Variants in FCHO2 observed in about 807,000 individuals in gnomAD.
FCHO2 encodes F-BAR domain only protein 2.
Under a neutral mutation model 114.1 loss-of-function variants are expected in FCHO2, and 43 were observed. That is an observed-to-expected ratio of 0.38 (90% CI 0.30 to 0.49). FCHO2 has a LOEUF of 0.49. Among genes scored for constraint, FCHO2 ranks in the 20% least tolerant of loss-of-function variants. FCHO2 has a pLI of 0.97. For synonymous variants in FCHO2, 293 were observed against 315.2 expected, an observed-to-expected ratio of 0.93 and a Z score of 0.75; for missense variants, 807 against 950.4, an observed-to-expected ratio of 0.85 and a Z score of 1.98.
At chr5:72,981,438 C>T (rs1430829989) in intron 2 of FCHO2, among the ~76,000 whole-genome samples, 7 of 152,120 alleles carry the variant, frequency 4.6e-5, no homozygotes, top group Admixed American at 2.0e-4. Context: ...TTGCTCTTCT[C>T]GAGGAGTATC....
intron 1 of FCHO2, among the ~76,000 whole-genome samples, chr5:72,966,105 A>G (rs1175082022): frequency 1.3e-5 from 2 of 152,222 alleles, no homozygotes; most frequent in Non-Finnish European, 2.9e-5. Context: ...CGCCACATGC[A>G]GTGGCTCACA....
chr5:72,966,502 G>A (rs1304440386), intron 1 of FCHO2, among the ~76,000 whole-genome samples: 1 of 152,152 alleles, frequency 6.6e-6, no homozygotes, highest in Non-Finnish European at 1.5e-5. Context: ...GGAAATGTTT[G>A]GATTCACAAG....
At chr5:73,024,809 GC>G (rs1755830132) in intron 8 of FCHO2, among the ~76,000 whole-genome samples, 1 of 152,092 alleles carries the variant, frequency 6.6e-6, no homozygotes, top group Non-Finnish European at 1.5e-5. Flanking sequence ...GCCTCATGGG[GC>G]TGTTGTGAGA....
rs939769485 is a variant in FCHO2, at chr5:73,052,469, G to A, written c.1135G>A (p.Val379Ile). ...AATGGCTTCTTTGGATGAATTAAAA[G>A]TATCTATAGGGAATATAACACTCTC... ...HTMASLDELKVSIGNITLSPA... is the reference protein window; with the variant it reads ...HTMASLDELKISIGNITLSPA... The change falls in exon 13 of 26, where the codon GTA becomes ATA. Residue 379 changes from valine to isoleucine, a missense_variant. By Grantham distance (29) the Val-to-Ile change is conservative (BLOSUM62 3). Coordinates refer to ENST00000430046, the MANE Select transcript of FCHO2 (RefSeq NM_138782.3). 1 of 1,596,678 alleles carries A rather than the reference G, an allele frequency of 6.3e-7. No homozygotes were observed. Among genetic ancestry groups the A allele is most frequent in the Non-Finnish European group, 8.5e-7 (1 of 1,170,904 alleles).
rs775181966 is a variant in FCHO2 at position 73,081,953 on chromosome 5, G to A, written c.2151G>A (p.Thr717=). 3.2e-6 allele frequency: 5 copies of A among 1,586,796 alleles called. No individual in the cohort carries two copies. The highest frequency in any genetic ancestry group is 2.3e-5 in the East Asian group (1 of 43,530). Residue 717 remains threonine, a synonymous_variant, in exon 23 of 26, where the codon ACG becomes ACA. Transcript: ENST00000430046. ...QVVVPVDGGV[T]NMQSLPPAIW... ...TGGTACCAGTGGATGGAGGAGTAAC[G>A]AACATGCAGTCCCTTCCCCCTGCAA...
chr5:72,972,169 G>T (rs2112614222), intron 2 of FCHO2, among the ~76,000 whole-genome samples: 1 of 152,140 alleles, frequency 6.6e-6, no homozygotes, highest in South Asian at 2.1e-4. Flanking sequence ...GCTTAGGATT[G>T]ACTTGGCGAT....
intron 11 of FCHO2, among the ~76,000 whole-genome samples, chr5:73,042,415 T>C (rs986512031): frequency 6.6e-6 from 1 of 152,210 alleles, no homozygotes; most frequent in Admixed American, 6.5e-5. Flanking sequence ...GATGTAAAAT[T>C]AAATACAACT....
chr5:73,019,751 G>A (rs745884034), intron 8 of FCHO2, among the ~76,000 whole-genome samples: 7 of 152,176 alleles, frequency 4.6e-5, no homozygotes, highest in Non-Finnish European at 1.0e-4. Flanking sequence ...TTGATAAAAA[G>A]CCATGAAAAA....
Position 73,016,715 on chromosome 5 carries a change from A to T in FCHO2, c.700-497A>T, listed in dbSNP as rs181092992. ...AAAGATTTTAAATTGTTTAAATATTAAAAAAGATTTTAAATTGTTTAAATA... is the reference window on the plus strand; with the variant it reads ...AAAGATTTTAAATTGTTTAAATATTTAAAAAGATTTTAAATTGTTTAAATA... On this transcript the variant is annotated intron_variant, in intron 7 of 25. Coordinates refer to ENST00000430046, the MANE Select transcript of FCHO2 (RefSeq NM_138782.3). 1.2e-3 allele frequency among the ~76,000 whole-genome samples: 178 copies of T among 150,260 alleles called. 2 individuals are homozygous for T. Among genetic ancestry groups the T allele is most frequent in the Non-Finnish European group, 7.4e-4 (50 of 67,602 alleles).
At chr5:73,078,705 T>A (rs1742996728) in intron 22 of FCHO2, among the ~76,000 whole-genome samples, 1 of 152,148 alleles carries the variant, frequency 6.6e-6, no homozygotes, top group African/African-American at 2.4e-5. Context: ...AAAATAAGCA[T>A]TAATAAATAC....
chr5:73,078,325 A>T lies in FCHO2; in HGVS notation c.1980+13A>T. ...ATTAAAGTATCAGGTGAGTGTCACG[A>T]CATTGCAAAAATTCTAAATTAAAAT... On this transcript the variant is annotated intron_variant, in intron 22 of 25. Coordinates refer to ENST00000430046, the MANE Select transcript of FCHO2 (RefSeq NM_138782.3). The T allele has an allele frequency of 6.3e-7, 1 of 1,577,176 alleles. No individual in the cohort carries two copies. Among genetic ancestry groups the T allele is most frequent in the South Asian group, 1.2e-5 (1 of 82,246 alleles).
At chr5:72,988,789 CA>C (rs1249724624) in intron 2 of FCHO2, among the ~76,000 whole-genome samples, 4 of 152,192 alleles carry the variant, frequency 2.6e-5, no homozygotes, top group African/African-American at 9.7e-5. Flanking sequence ...TTATTAAATA[CA>C]AATGACACAC....
intron 2 of FCHO2, among the ~76,000 whole-genome samples, chr5:72,983,094 A>T (rs1753311818): frequency 6.6e-6 from 1 of 151,894 alleles, no homozygotes; most frequent in African/African-American, 2.4e-5. Context: ...TTGTATTTTT[A>T]GTAGAGACGG....
chr5:73,021,646 T>C (rs968445197), intron 8 of FCHO2, among the ~76,000 whole-genome samples: 9 of 152,322 alleles, frequency 5.9e-5, no homozygotes, highest in Middle Eastern at 3.4e-3. Flanking sequence ...AGAGAACTTA[T>C]ATATTTCTTT....
chr5:72,992,523 C>T (rs990033130), intron 5 of FCHO2, among the ~76,000 whole-genome samples: 3 of 152,014 alleles, frequency 2.0e-5, no homozygotes, highest in Non-Finnish European at 2.9e-5. Flanking sequence ...TTGGCTCTTA[C>T]GTGGCAAAAG....
At chr5:72,998,571 T>A (rs1359557052) in intron 5 of FCHO2, among the ~76,000 whole-genome samples, 1 of 151,992 alleles carries the variant, frequency 6.6e-6, no homozygotes, top group Admixed American at 6.6e-5. Context: ...TGAATTGGTA[T>A]GGGTTTCATA....
chr5:73,001,816 A>G (rs1017275305), intron 5 of FCHO2, among the ~76,000 whole-genome samples: 2 of 151,576 alleles, frequency 1.3e-5, no homozygotes, highest in Admixed American at 1.3e-4. Context: ...GCATGTGCCT[A>G]TGGTCCTAGG....
chr5:73,042,217 G>A (rs1043705870), intron 11 of FCHO2, among the ~76,000 whole-genome samples: 8 of 152,084 alleles, frequency 5.3e-5, no homozygotes, highest in Non-Finnish European at 1.0e-4. Context: ...GAGTTACGGG[G>A]TTAAAACCAT....
chr5:73,049,024 C>T (rs1387448079), intron 11 of FCHO2, among the ~76,000 whole-genome samples: 1 of 150,954 alleles, frequency 6.6e-6, no homozygotes, highest in African/African-American at 2.4e-5. Flanking sequence ...CTACAGGCGC[C>T]CGCTACCACG....
Sources: allele counts gnomAD v4.1 joint callset (sites outside exome capture counted in the v4.1 genomes callset), GRCh38; gene constraint gnomAD v4.1.1; transcripts MANE v1.5; gene names NCBI Gene and HGNC (gene_info 2026-07-23, HGNC 2026-07-21).